MPP7: variants seen among roughly 807,000 people sequenced by gnomAD.
MPP7 encodes MAGUK p55 subfamily member 7.
MPP7 carries 60 observed loss-of-function variants against 76.5 expected under a neutral mutation model. That is an observed-to-expected ratio of 0.78 (90% confidence interval 0.64 to 0.97). The LOEUF (loss-of-function observed/expected upper bound fraction) is 0.97. MPP7 is among the 50% of genes least tolerant of loss of function. The probability of loss-of-function intolerance (pLI) is 0.00; values close to 1 mark genes in which losing one functional copy is unlikely to be tolerated. For missense variants in MPP7, 641 were observed against 694.0 expected (o/e 0.92, Z 0.86); for synonymous variants, 237 against 244.5 (o/e 0.97, Z 0.29).
chr10:28,300,011 C>T (rs1306583847), intron 1 of MPP7, among the ~76,000 whole-genome samples: 1 of 152,174 alleles, frequency 6.6e-6, no homozygotes, highest in Non-Finnish European at 1.5e-5. Context: ...TTGTGATCCG[C>T]CCGCCTCGGC....
intron 11 of MPP7, among the ~76,000 whole-genome samples, chr10:28,106,611 A>C (rs536002166): frequency 6.6e-6 from 1 of 152,286 alleles, no homozygotes; most frequent in South Asian, 2.1e-4. Flanking sequence ...CCTTTTTCAG[A>C]TATTCAATTC....
intron 5 of MPP7, 98 bp downstream of exon 5, chr10:28,147,385 C>A: frequency 7.8e-6 from 7 of 893,252 alleles, no homozygotes; most frequent in Non-Finnish European, 1.3e-5. Context: ...ATTCAAAATA[C>A]ATTTACTTGA....
intron 3 of MPP7, among the ~76,000 whole-genome samples, chr10:28,153,988 G>A (rs1344558289): frequency 1.3e-5 from 2 of 152,088 alleles, no homozygotes; most frequent in East Asian, 3.8e-4. Context: ...AAATACTGGG[G>A]GTGGGGAGAA....
At chr10:28,159,917 C>G (rs911418687) in intron 3 of MPP7, among the ~76,000 whole-genome samples, 2 of 152,096 alleles carry the variant, frequency 1.3e-5, no homozygotes, top group South Asian at 4.1e-4. Context: ...CATGGTACAA[C>G]AACAAAAAGC....
At chr10:28,229,391 C>A (rs1838802096) in intron 2 of MPP7, among the ~76,000 whole-genome samples, 1 of 152,104 alleles carries the variant, frequency 6.6e-6, no homozygotes, top group African/African-American at 2.4e-5. Context: ...AAAACTACTT[C>A]CAAGAATGAG....
chr10:28,198,220 A>G (rs1837650977), intron 3 of MPP7, among the ~76,000 whole-genome samples: 1 of 152,242 alleles, frequency 6.6e-6, no homozygotes, highest in South Asian at 2.1e-4. Flanking sequence ...TATCCTAGAA[A>G]TCTAACATAG....
chr10:28,143,626 A>G (rs117599614), intron 5 of MPP7, among the ~76,000 whole-genome samples: 1,504 of 141,368 alleles, frequency 0.011, 76 homozygotes, highest in East Asian at 0.076. Context: ...CATAACTTAC[A>G]AATTTTCTTC....
At chr10:28,136,607 G>C (rs1390733770) in intron 5 of MPP7, among the ~76,000 whole-genome samples, 4 of 152,064 alleles carry the variant, frequency 2.6e-5, no homozygotes, top group African/African-American at 4.8e-5. Context: ...TTATTTAACT[G>C]TATTTCAAAT....
rs750279690 is a variant in MPP7 at position 28,124,990 on chromosome 10, GT to G, written c.529+19del. 21 of 1,605,000 alleles carry G rather than the reference GT, an allele frequency of 1.3e-5. No individual in the cohort carries two copies. In the African/African-American group the frequency reaches 2.7e-4, roughly 20 times the overall value. On this transcript the variant is annotated intron_variant, in intron 7 of 16. Coordinates refer to ENST00000683449, the MANE Select transcript of MPP7 (RefSeq NM_001318170.2). ...GAAACACGTGATTAGTCTGTACTTG[GT>G]TAACATTTAAAGTCTCACCACTTCT...
chr10:28,163,753 G>A (rs1490647923), intron 3 of MPP7, among the ~76,000 whole-genome samples: 1 of 151,880 alleles, frequency 6.6e-6, no homozygotes, highest in East Asian at 1.9e-4. Context: ...TTTGAGACCA[G>A]CCTGGCCAAC....
intron 3 of MPP7, among the ~76,000 whole-genome samples, chr10:28,151,100 CAAAGCTA>C (rs1835869672): frequency 6.6e-6 from 1 of 152,058 alleles, no homozygotes; most frequent in Non-Finnish European, 1.5e-5. Flanking sequence ...TAATTATACT[CAAAGCTA>C]ACCAAACTCC....
chr10:28,138,880 G>A (rs1835425812), intron 5 of MPP7, among the ~76,000 whole-genome samples: 1 of 152,122 alleles, frequency 6.6e-6, no homozygotes, highest in African/African-American at 2.4e-5. Flanking sequence ...AATTTACATT[G>A]AATTCCGTTT....
intron 5 of MPP7, among the ~76,000 whole-genome samples, chr10:28,137,056 C>T (rs1218349224): frequency 6.6e-6 from 1 of 152,034 alleles, no homozygotes; most frequent in East Asian, 1.9e-4. Flanking sequence ...TGCTTAAAAC[C>T]AGGAAGAAAA....
intron 2 of MPP7, chr10:28,202,844 C>G (rs1197150004): frequency 6.6e-6 from 1 of 151,336 alleles, no homozygotes; most frequent in East Asian, 1.9e-4. Context: ...AAAAAAAAAG[C>G]TACGTAGAAC....
chr10:28,195,820 A>T (rs1837562382), intron 3 of MPP7, among the ~76,000 whole-genome samples: 1 of 152,220 alleles, frequency 6.6e-6, no homozygotes. Flanking sequence ...GATTGTGGGG[A>T]TAGGAAAAGA....
At position 28,060,692 on chromosome 10, in the gene MPP7, C is replaced by T. The variant is rs546060532; in HGVS notation, c.1205-949G>A. On this transcript the variant is annotated intron_variant, in intron 13 of 16. Transcript: ENST00000683449. Reference sequence around the variant, plus strand: ...ACTTGGGACGGGGGGTAGAAAAAGTCCTTGTGGGCTGTAAAGTGTGGAGGA... The same window carrying T: ...ACTTGGGACGGGGGGTAGAAAAAGTTCTTGTGGGCTGTAAAGTGTGGAGGA... Among the ~76,000 whole-genome samples, 232 of 152,266 alleles carry T rather than the reference C, an allele frequency of 1.5e-3. 1 individual carries two copies. Among genetic ancestry groups the T allele is most frequent in the Non-Finnish European group, 2.5e-3 (171 of 68,014 alleles).
chr10:28,312,787 C>T (rs1365899365), intron 2 of MPP7, among the ~76,000 whole-genome samples: 4 of 152,210 alleles, frequency 2.6e-5, no homozygotes, highest in Non-Finnish European at 5.9e-5. Flanking sequence ...CAAAGTGACT[C>T]TTGCACCACT....
At chr10:28,195,498 C>A (rs2133961493) in intron 3 of MPP7, among the ~76,000 whole-genome samples, 1 of 152,294 alleles carries the variant, frequency 6.6e-6, no homozygotes, top group South Asian at 2.1e-4. Context: ...AAATGTCCAT[C>A]CATGGATGAA....
rs568887481 is a variant in MPP7, at chr10:28,097,582, T to C, written c.953-7741A>G. ...GAAGTCAAGAAGAAAGTTTCAGACA[T>C]TACCCTATATACATAGATGCATAAT... On this transcript the variant is annotated intron_variant, in intron 11 of 16. Coordinates refer to ENST00000683449, the MANE Select transcript of MPP7 (RefSeq NM_001318170.2). 1.1e-4 allele frequency among the ~76,000 whole-genome samples: 16 copies of C among 152,226 alleles called. No individual in the cohort carries two copies. The South Asian group carries it at 3.1e-3, about 30-fold the overall frequency.
Sources: allele counts gnomAD v4.1 joint callset (sites outside exome capture counted in the v4.1 genomes callset), GRCh38; gene constraint gnomAD v4.1.1; transcripts MANE v1.5; gene names NCBI Gene and HGNC (gene_info 2026-07-23, HGNC 2026-07-21).